Variants in MYLK observed in about 807,000 individuals in gnomAD.
MYLK encodes myosin light chain kinase, smooth muscle.
A neutral mutation model predicts 203.4 loss-of-function variants in MYLK; 106 were observed. The observed-to-expected ratio is 0.52, with a 90% CI of 0.45 to 0.61. The LOEUF is 0.61. MYLK is among the 20% of genes least tolerant of loss of function. The pLI, the probability that MYLK is intolerant of heterozygous loss-of-function variation, is 0.00. For synonymous variants in MYLK, 867 were observed against 959.5 expected (o/e 0.90, Z 1.78); for missense variants, 2,072 against 2,442.3 (o/e 0.85, Z 3.20).
chr3:123,779,289 G>A (rs1441645792), intron 4 of MYLK, among the ~76,000 whole-genome samples: 1 of 152,244 alleles, frequency 6.6e-6, no homozygotes, highest in East Asian at 1.9e-4. Flanking sequence ...GCACACGGAT[G>A]AGGCAGGCCC....
chr3:123,710,282 G>A (rs769299606), intron 13 of MYLK, among the ~76,000 whole-genome samples: 5 of 135,072 alleles, frequency 3.7e-5, no homozygotes, highest in African/African-American at 5.4e-5. Context: ...CAGAGGCAAC[G>A]AGTTTTCAGT....
intron 5 of MYLK, among the ~76,000 whole-genome samples, chr3:123,741,088 CCCAGGGAGGGT>C (rs2062841806): frequency 1.3e-5 from 2 of 152,148 alleles, no homozygotes; most frequent in African/African-American, 4.8e-5. Context: ...AAAACCCTAT[CCCAGGGAGGGT>C]AGAGTCATCC....
In MYLK at chr3:123,657,381, T is replaced by G; in HGVS notation, c.4033A>C (p.Ser1345Arg). The change falls in exon 24 of 34, where the codon AGC becomes CGC. Residue 1345 changes from serine to arginine, a missense_variant. Ser to Arg is a moderately radical substitution (Grantham distance 110). This residue lies in a region of MYLK where 524 missense variants were observed against 782.4 expected (regional missense o/e 0.67). Transcript: ENST00000360304. The part of the protein sequence containing the change: ...AGTPCASDIR[S>R]SSLTLSWYGS... ...TACCAGGACAGGGTCAGTGAGGAGC[T>G]CCGAATGTCAGAGGCACAAGGTGTG... The G allele has an allele frequency of 1.9e-6, 3 of 1,613,824 alleles. No homozygotes were observed. Among genetic ancestry groups the G allele is most frequent in the Non-Finnish European group, 2.5e-6 (3 of 1,179,994 alleles).
At chr3:123,732,762 T>C in intron 11 of MYLK, 134 bp downstream of exon 11, 3 of 840,662 alleles carry the variant, frequency 3.6e-6, no homozygotes, top group East Asian at 2.7e-5. Flanking sequence ...TGGCATGTGA[T>C]TGGGGGTGAC....
At chr3:123,839,211 A>G (rs1381873373) in intron 2 of MYLK, among the ~76,000 whole-genome samples, 3 of 152,222 alleles carry the variant, frequency 2.0e-5, no homozygotes, top group Admixed American at 6.5e-5. Context: ...TAATCCAATC[A>G]TATCAATAAT....
At chr3:123,726,766 A>G (rs1450576548) in intron 11 of MYLK, among the ~76,000 whole-genome samples, 1 of 152,170 alleles carries the variant, frequency 6.6e-6, no homozygotes, top group East Asian at 1.9e-4. Context: ...AGCCTTCTAC[A>G]TCAGTGAATT....
chr3:123,697,537 C>T (rs564818171), intron 18 of MYLK, among the ~76,000 whole-genome samples: 24 of 152,294 alleles, frequency 1.6e-4, no homozygotes, highest in Non-Finnish European at 2.9e-4. Context: ...TCATATAGCA[C>T]GGTGGTCTAG....
chr3:123,855,824 T>C (rs2031319799), intron 2 of MYLK, among the ~76,000 whole-genome samples: 1 of 152,038 alleles, frequency 6.6e-6, no homozygotes. Flanking sequence ...CGATCCTGCT[T>C]TTTGCCACCA....
chr3:123,766,955 G>A lies in MYLK; in HGVS notation c.166-14417C>T, dbSNP rs72972320. Among the ~76,000 whole-genome samples the A allele has an allele frequency of 9.2e-5, 14 of 152,294 alleles. No individual in the cohort carries two copies. The East Asian group carries it at 2.7e-3, about 29-fold the overall frequency. On this transcript the variant is annotated intron_variant, in intron 4 of 33. Transcript: ENST00000360304. ...GTTTGGGGGCTGGGGAGCACCAAAG[G>A]GGTCAGAGTCCTGGTTCAAAACACA...
intron 4 of MYLK, among the ~76,000 whole-genome samples, chr3:123,787,569 T>G (rs2064585430): frequency 6.6e-6 from 1 of 152,084 alleles, no homozygotes; most frequent in Non-Finnish European, 1.5e-5. Context: ...GTCATCGCGT[T>G]CAAGGAACCA....
Position 123,709,752 on chromosome 3 carries a change from A to G in MYLK, c.1942+4T>C. The G allele has an allele frequency of 3.1e-6, 5 of 1,613,740 alleles. No homozygotes were observed. In the South Asian group the frequency reaches 5.5e-5, roughly 18 times the overall value. ...ATCCCCAAGAGAGAGCTGCAGAGAC[A>G]GACCTGACACTTGGACAGTCATAGT... On this transcript the variant is annotated splice_donor_region_variant and intron_variant, in intron 14 of 33. Coordinates refer to ENST00000360304, the MANE Select transcript of MYLK (RefSeq NM_053025.4).
chr3:123,676,783 C>T (rs1313752671), intron 20 of MYLK, among the ~76,000 whole-genome samples: 1 of 152,192 alleles, frequency 6.6e-6, no homozygotes. Flanking sequence ...ACTGAGAGAC[C>T]AGCTAATGAA....
chr3:123,660,933 G>A (rs1456449457), intron 23 of MYLK, among the ~76,000 whole-genome samples: 1 of 152,228 alleles, frequency 6.6e-6, no homozygotes, highest in Non-Finnish European at 1.5e-5. Context: ...TACAGGCTCT[G>A]AATGAATGTG....
At chr3:123,853,459 G>T (rs556432108) in intron 2 of MYLK, among the ~76,000 whole-genome samples, 4 of 152,270 alleles carry the variant, frequency 2.6e-5, no homozygotes, top group Non-Finnish European at 4.4e-5. Context: ...AATGGTCCTA[G>T]ATTAGATGAC....
At chr3:123,813,639 T>C (rs1281570690) in intron 3 of MYLK, among the ~76,000 whole-genome samples, 2 of 152,004 alleles carry the variant, frequency 1.3e-5, no homozygotes, top group African/African-American at 4.8e-5. Flanking sequence ...GCCTCCCGAG[T>C]TGCTGGGATT....
chr3:123,809,472 G>A (rs2065480138), intron 3 of MYLK, among the ~76,000 whole-genome samples: 1 of 152,196 alleles, frequency 6.6e-6, no homozygotes, highest in Non-Finnish European at 1.5e-5. Context: ...GTTGTGGTGA[G>A]CCAAGATTGC....
chr3:123,748,920 T>C (rs990723852), intron 5 of MYLK, among the ~76,000 whole-genome samples: 7 of 152,030 alleles, frequency 4.6e-5, no homozygotes, highest in Admixed American at 3.9e-4. Flanking sequence ...AGTACAAAAA[T>C]TAGCCGGGCG....
intron 2 of MYLK, among the ~76,000 whole-genome samples, chr3:123,856,065 G>A (rs1431030470): frequency 6.6e-6 from 1 of 152,160 alleles, no homozygotes; most frequent in African/African-American, 2.4e-5. Context: ...AACAGAACTT[G>A]GTACACTGGG....
chr3:123,647,537 A>G (rs1021659667), intron 26 of MYLK, 110 bp from the exon 27 acceptor site: 19 of 913,898 alleles, frequency 2.1e-5, no homozygotes, highest in Non-Finnish European at 3.2e-5. Flanking sequence ...CTCCTTTTAT[A>G]AGTAAGGTGT....
Sources: allele counts gnomAD v4.1 joint callset (sites outside exome capture counted in the v4.1 genomes callset), GRCh38; gene constraint gnomAD v4.1.1; regional missense constraint gnomAD v4.1.1; transcripts MANE v1.5; gene names NCBI Gene and HGNC (gene_info 2026-07-23, HGNC 2026-07-21).